OPCML: variants seen among roughly 807,000 people sequenced by gnomAD.
The protein encoded by OPCML is opioid-binding protein/cell adhesion molecule.
A neutral mutation model predicts 37.8 loss-of-function variants in OPCML; 13 were observed. The ratio of observed to expected loss-of-function variants is 0.34; its 90% CI spans 0.22 to 0.55. The LOEUF is 0.55. OPCML is among the 20% of genes least tolerant of loss of function. The pLI, the probability that OPCML is intolerant of heterozygous loss-of-function variation, is 0.91. For missense variants in OPCML, 341 were observed against 435.6 expected, an observed-to-expected ratio of 0.78 and a Z score of 1.93; for synonymous variants, 176 against 168.8, an observed-to-expected ratio of 1.04 and a Z score of -0.33.
chr11:133,263,459 A>G (rs1941554901), intron 1 of OPCML, among the ~76,000 whole-genome samples: 1 of 152,196 alleles, frequency 6.6e-6, no homozygotes, highest in African/African-American at 2.4e-5. Flanking sequence ...TACAGTGTGT[A>G]ACCTAGCAGC....
Position 132,561,687 on chromosome 11 carries a change from A to G in OPCML, c.380-32501T>C, listed in dbSNP as rs560532232. On this transcript the variant is annotated intron_variant, in intron 3 of 7. Transcript: ENST00000524381. ...TCACTGTAAAATGAATTCATGTCAT[A>G]CTTAATCATTTCTGTGAATTTAAAT... Among the ~76,000 whole-genome samples the G allele has an allele frequency of 3.7e-4, 56 of 152,372 alleles. 1 individual carries two copies. Among genetic ancestry groups the G allele is most frequent in the African/African-American group, 1.3e-3 (55 of 41,600 alleles).
At chr11:133,095,442 C>T (rs922067250) in intron 1 of OPCML, among the ~76,000 whole-genome samples, 2 of 150,248 alleles carry the variant, frequency 1.3e-5, no homozygotes, top group Non-Finnish European at 3.0e-5. Flanking sequence ...GACATTTAAT[C>T]TTTAGTATCT....
At position 133,205,088 on chromosome 11, in the gene OPCML, T is replaced by C. The variant is rs1464030536; in HGVS notation, c.62-262078A>G. On this transcript the variant is annotated intron_variant, in intron 1 of 7. Coordinates refer to ENST00000524381, the MANE Select transcript of OPCML (RefSeq NM_001012393.5). This position sits in a 1 kb window ranked among gnomAD's most constrained non-coding sequence, Gnocchi z 4.8. ...GGAAGCCAATTCTGTGATTAAATAA[T>C]TGGAACTTTCTGTCCCACCCTCTTC... 6.6e-6 allele frequency among the ~76,000 whole-genome samples: 1 copy of C among 151,712 alleles called. No homozygotes were observed. The highest frequency in any genetic ancestry group is 1.5e-5 in the Non-Finnish European group (1 of 67,940).
At chr11:133,517,273 A>G (rs1448809455) in intron 1 of OPCML, among the ~76,000 whole-genome samples, 1 of 152,240 alleles carries the variant, frequency 6.6e-6, no homozygotes, top group Non-Finnish European at 1.5e-5. Context: ...TAGTGATTAT[A>G]TATTTCTATA....
At chr11:133,414,844 T>C (rs1452221537) in intron 1 of OPCML, among the ~76,000 whole-genome samples, 1 of 152,098 alleles carries the variant, frequency 6.6e-6, no homozygotes, top group East Asian at 1.9e-4. Flanking sequence ...GGCTGTGACA[T>C]CCTGACCTTG....
At position 132,418,866 on chromosome 11, in the gene OPCML, C is replaced by T. The variant is rs2095947616; in HGVS notation, c.*1327G>A. 1 of 152,626 alleles carries T rather than the reference C, an allele frequency of 6.6e-6. No individual in the cohort carries two copies. The highest frequency in any genetic ancestry group is 2.4e-5 in the African/African-American group (1 of 41,430). The allele number at this position is 152,626 out of a possible 1,614,324, so 9.5% of individuals were successfully genotyped here. ...TTGAGAGAAGCATAAAGGCTGGCAC[C>T]TTTGTCCTTCAAGTGCAAAAGGAAA... On this transcript the variant is annotated 3_prime_UTR_variant, in exon 8 of 8. Coordinates refer to ENST00000524381, the MANE Select transcript of OPCML (RefSeq NM_001012393.5).
chr11:133,394,836 A>G (rs748254466), intron 1 of OPCML, among the ~76,000 whole-genome samples: 6 of 152,202 alleles, frequency 3.9e-5, no homozygotes, highest in Non-Finnish European at 7.3e-5. Flanking sequence ...AACAAACATG[A>G]GAGTGCAGAC....
At chr11:132,718,842 C>T (rs374699099) in intron 2 of OPCML, among the ~76,000 whole-genome samples, 4 of 152,214 alleles carry the variant, frequency 2.6e-5, no homozygotes, top group Admixed American at 1.3e-4. Context: ...CAGTGACTCC[C>T]TGGGTTGACA....
chr11:132,940,566 A>G (rs1945543005), intron 2 of OPCML, among the ~76,000 whole-genome samples: 1 of 152,224 alleles, frequency 6.6e-6, no homozygotes, highest in Non-Finnish European at 1.5e-5. Context: ...GGTTGAAGCC[A>G]TGGGCTTCTA....
At chr11:133,350,715 T>C (rs1944116850) in intron 1 of OPCML, among the ~76,000 whole-genome samples, 1 of 152,188 alleles carries the variant, frequency 6.6e-6, no homozygotes, top group African/African-American at 2.4e-5. Flanking sequence ...GAATGTAGAT[T>C]AGACAAAAAT....
Position 132,570,755 on chromosome 11 carries a change from GTATATATATATATATATATATA to G in OPCML, c.380-41591_380-41570del, listed in dbSNP as rs71477765. On this transcript the variant is annotated intron_variant, in intron 3 of 7. Coordinates refer to ENST00000524381, the MANE Select transcript of OPCML (RefSeq NM_001012393.5). The stretch of plus-strand genomic sequence containing the variant: ...CTCAGGGGAATAGGCAGGAAAGAGA[GTATATATATATATATATATATA>G]TATATATATATATATATATATATAT... Among the ~76,000 whole-genome samples the G allele has an allele frequency of 3.6e-3, 109 of 30,114 alleles. 2 individuals are homozygous for G. The highest frequency in any genetic ancestry group is 0.016 in the South Asian group (10 of 634). The allele number at this position is 30,114 out of a possible 152,430, so 19.8% of individuals were successfully genotyped here.
intron 1 of OPCML, among the ~76,000 whole-genome samples, chr11:133,044,455 C>A (rs974328260): frequency 3.3e-5 from 5 of 152,016 alleles, no homozygotes; most frequent in African/African-American, 1.2e-4. Context: ...AAGGGGAAAT[C>A]GGCTAGCCCA....
At chr11:133,217,581 C>T (rs750970493) in intron 1 of OPCML, among the ~76,000 whole-genome samples, 8 of 152,192 alleles carry the variant, frequency 5.3e-5, no homozygotes, top group South Asian at 2.1e-4. Context: ...GGTGGGTACT[C>T]GGCTGCCTGG....
Position 132,479,286 on chromosome 11 carries a change from C to T in OPCML, c.506-41927G>A, listed in dbSNP as rs188952823. Among the ~76,000 whole-genome samples, 11 of 152,272 alleles carry T rather than the reference C, an allele frequency of 7.2e-5. No homozygotes were observed. The East Asian group carries it at 2.1e-3, about 30-fold the overall frequency. On this transcript the variant is annotated intron_variant, in intron 4 of 7. Transcript: ENST00000524381. ...ACAGACGGCACCTGGAAAATCGGGT[C>T]ACTCCCACCCAAATACTGCGCTTTT...
chr11:133,152,888 T>G (rs1430399946), intron 1 of OPCML, among the ~76,000 whole-genome samples: 1 of 148,162 alleles, frequency 6.7e-6, no homozygotes. Flanking sequence ...TTTTTTTTTT[T>G]ATCATCATTT....
intron 1 of OPCML, among the ~76,000 whole-genome samples, chr11:133,252,276 G>A (rs775581808): frequency 5.5e-4 from 84 of 152,124 alleles, no homozygotes; most frequent in Middle Eastern, 3.2e-3. Flanking sequence ...ACAATCTCCA[G>A]CAAATTTCTC....
chr11:133,378,505 C>A (rs957961639), intron 1 of OPCML, among the ~76,000 whole-genome samples: 1 of 152,120 alleles, frequency 6.6e-6, no homozygotes, highest in Non-Finnish European at 1.5e-5. Context: ...TCTTTCTCAT[C>A]CCATACCCCG....
chr11:133,175,486 A>C (rs1950357119), intron 1 of OPCML, among the ~76,000 whole-genome samples: 1 of 147,060 alleles, frequency 6.8e-6, no homozygotes, highest in Admixed American at 7.1e-5. Context: ...GAAAAATAGA[A>C]AAAAAAAAAA....
At chr11:133,095,723 A>G (rs1948991681) in intron 1 of OPCML, among the ~76,000 whole-genome samples, 1 of 151,354 alleles carries the variant, frequency 6.6e-6, no homozygotes, top group African/African-American at 2.4e-5. Flanking sequence ...AATCAGAGGA[A>G]AAGACCACCT....
Sources: gnomAD v4.1 joint callset for allele counts (sites outside exome capture counted in the v4.1 genomes callset) on GRCh38, gnomAD v4.1.1 for gene constraint, Gnocchi (gnomAD v3.1) non-coding constraint, MANE v1.5 for transcripts, NCBI Gene and HGNC (gene_info 2026-07-23, HGNC 2026-07-21) for gene names.